Variants in SLIT3 observed in about 807,000 individuals in gnomAD.
SLIT3 encodes slit homolog 3 protein.
In SLIT3, 68 loss-of-function variants were observed where a neutral mutation model predicts 184.0. The observed-to-expected ratio is 0.37, with a 90% CI of 0.30 to 0.45. SLIT3 has a LOEUF of 0.45. Among genes scored for constraint, SLIT3 ranks in the 20% least tolerant of loss-of-function variants. SLIT3 has a pLI of 1.00. For synonymous variants in SLIT3, 831 were observed against 828.6 expected (o/e 1.00, Z -0.05); for missense variants, 1,707 against 2,026.0 (o/e 0.84, Z 3.02).
chr5:168,884,610 TAC>T (rs1462093802), intron 4 of SLIT3, among the ~76,000 whole-genome samples: 4 of 119,994 alleles, frequency 3.3e-5, no homozygotes, highest in Non-Finnish European at 6.7e-5. Flanking sequence ...CCTCACAATA[TAC>T]AGTCTATTAT....
At chr5:168,934,408 G>A (rs547670450) in intron 4 of SLIT3, among the ~76,000 whole-genome samples, 2 of 152,170 alleles carry the variant, frequency 1.3e-5, no homozygotes, top group Non-Finnish European at 2.9e-5. Context: ...GGAACTATGG[G>A]AGAGAAATTG....
intron 4 of SLIT3, among the ~76,000 whole-genome samples, chr5:168,900,677 AC>A (rs1760835044): frequency 6.6e-6 from 1 of 152,192 alleles, no homozygotes; most frequent in African/African-American, 2.4e-5. Flanking sequence ...TTATCTTAGC[AC>A]TATTCACAAT....
intron 8 of SLIT3, among the ~76,000 whole-genome samples, chr5:168,816,039 C>T (rs1757324995): frequency 6.6e-6 from 1 of 152,082 alleles, no homozygotes; most frequent in African/African-American, 2.4e-5. Flanking sequence ...CAACTGAATG[C>T]TTTCTGTTTT....
chr5:169,062,859 G>A (rs940444834), intron 4 of SLIT3, among the ~76,000 whole-genome samples: 7 of 152,132 alleles, frequency 4.6e-5, no homozygotes, highest in African/African-American at 1.7e-4. Context: ...CAAAGTAGCT[G>A]GGGAAGAAAA....
At chr5:168,951,172 A>T (rs1404603791) in intron 4 of SLIT3, among the ~76,000 whole-genome samples, 1 of 152,314 alleles carries the variant, frequency 6.6e-6, no homozygotes, top group African/African-American at 2.4e-5. Context: ...GTGAGCCAAG[A>T]TTGCACCACT....
intron 6 of SLIT3, among the ~76,000 whole-genome samples, chr5:168,831,577 T>C (rs1757884250): frequency 6.6e-6 from 1 of 152,224 alleles, no homozygotes; most frequent in Non-Finnish European, 1.5e-5. Flanking sequence ...GAGCTCTCAT[T>C]TGACACCTCA....
chr5:168,873,313 A>T (rs771104109), intron 5 of SLIT3, among the ~76,000 whole-genome samples: 3 of 152,150 alleles, frequency 2.0e-5, no homozygotes, highest in African/African-American at 4.8e-5. Context: ...GTGGTCCTGC[A>T]AGACTGTTGC....
At chr5:169,067,620 C>T (rs1380974914) in intron 4 of SLIT3, among the ~76,000 whole-genome samples, 3 of 152,176 alleles carry the variant, frequency 2.0e-5, no homozygotes, top group Non-Finnish European at 4.4e-5. Context: ...GCTACTTGGG[C>T]ATCCTGACTT....
At chr5:168,854,422 G>A (rs948196647) in intron 5 of SLIT3, among the ~76,000 whole-genome samples, 2 of 151,708 alleles carry the variant, frequency 1.3e-5, no homozygotes, top group African/African-American at 4.9e-5. Flanking sequence ...GATTCCTTGG[G>A]AGTCCCAGTC....
At chr5:169,194,233 C>CAAA (rs10571842) in intron 3 of SLIT3, among the ~76,000 whole-genome samples, 171 of 61,330 alleles carry the variant, frequency 2.8e-3, no homozygotes, top group Non-Finnish European at 3.5e-3. Flanking sequence ...GACTCTGTCT[C>CAAA]AAAAAAAAAA....
At chr5:169,021,548 A>G (rs563978796) in intron 4 of SLIT3, among the ~76,000 whole-genome samples, 4 of 152,086 alleles carry the variant, frequency 2.6e-5, no homozygotes, top group Non-Finnish European at 5.9e-5. Flanking sequence ...ACGGGGTTTC[A>G]CCATGTTGGC....
In SLIT3 at chr5:168,876,855, TATTATTCTTACACA is replaced by T. The variant is rs553904675; in HGVS notation, c.485+6396_485+6409del. 3.5e-3 allele frequency among the ~76,000 whole-genome samples: 530 copies of T among 152,336 alleles called. 14 individuals carry two copies. The highest frequency in any genetic ancestry group is 7.7e-4 in the East Asian group (4 of 5,190). On this transcript the variant is annotated intron_variant, in intron 5 of 35. Coordinates refer to ENST00000519560, the MANE Select transcript of SLIT3 (RefSeq NM_003062.4). The stretch of plus-strand genomic sequence containing the variant: ...TGGCACCTTATTCTTTCCTATAGTA[TATTATTCTTACACA>T]ATAATAATACAATATGGTATATTAT...
chr5:169,286,489 C>T (rs1359625502), intron 1 of SLIT3, among the ~76,000 whole-genome samples: 4 of 152,138 alleles, frequency 2.6e-5, no homozygotes, highest in Admixed American at 1.3e-4. Flanking sequence ...TCCCAGCCCC[C>T]AGAAGTGAGG....
At chr5:168,849,658 G>C (rs184207017) in intron 5 of SLIT3, among the ~76,000 whole-genome samples, 1 of 152,300 alleles carries the variant, frequency 6.6e-6, no homozygotes, top group East Asian at 1.9e-4. Flanking sequence ...TTGGAAGAAA[G>C]TTGCCACCTC....
Position 168,711,018 on chromosome 5 carries a change from G to A in SLIT3, c.2596C>T (p.Arg866Trp), listed in dbSNP as rs148174013. 1.3e-5 allele frequency: 20 copies of A among 1,586,708 alleles called. No homozygotes were observed. In the African/African-American group the frequency reaches 1.5e-4, roughly 12 times the overall value. Reference protein sequence around the residue: ...TNPLHCDCSLRWLSEWVKAGY... With the variant: ...TNPLHCDCSLWWLSEWVKAGY... ...GCCTTCACCCACTCCGACAGCCACC[G>A]AAGACTGCAGTCACAGTGGAGTGGG... is the stretch of plus-strand genomic sequence containing the variant. Residue 866 changes from arginine to tryptophan, a missense_variant, in exon 25 of 36, where the codon CGG (arginine) becomes TGG (tryptophan). By Grantham distance (101) the Arg-to-Trp change is moderately radical. Around this residue, in one of 3 missense-constraint regions of SLIT3, gnomAD observed 1,307 missense variants for 1,511.6 expected, o/e 0.86. Transcript: ENST00000519560.
chr5:168,996,859 G>C (rs1755526060), intron 4 of SLIT3, among the ~76,000 whole-genome samples: 1 of 152,206 alleles, frequency 6.6e-6, no homozygotes, highest in African/African-American at 2.4e-5. Flanking sequence ...GCCTGTCTCA[G>C]GAGGTGGGTG....
intron 9 of SLIT3, among the ~76,000 whole-genome samples, chr5:168,801,781 G>A (rs985550918): frequency 2.6e-5 from 4 of 152,096 alleles, no homozygotes; most frequent in African/African-American, 9.7e-5. Context: ...GCTCAGCTTC[G>A]AAGAAAATCT....
At chr5:169,121,634 TA>T (rs549248038) in intron 4 of SLIT3, among the ~76,000 whole-genome samples, 2 of 152,194 alleles carry the variant, frequency 1.3e-5, no homozygotes, top group Non-Finnish European at 2.9e-5. Flanking sequence ...CATTAACATT[TA>T]AAAAATGCCA....
In SLIT3 at chr5:168,854,618, G is replaced by A. The variant is rs57474542; in HGVS notation, c.486-9963C>T. 8.1e-3 allele frequency among the ~76,000 whole-genome samples: 1,231 copies of A among 152,304 alleles called. 16 individuals are homozygous for A. Among genetic ancestry groups the A allele is most frequent in the African/African-American group, 0.028 (1,163 of 41,548 alleles). ...TCTTGGGCAGAGGCATGGCCTCTCC[G>A]GAGAAATGGTTCTCTTTGCTCCAGG... On this transcript the variant is annotated intron_variant, in intron 5 of 35. Coordinates refer to ENST00000519560, the MANE Select transcript of SLIT3 (RefSeq NM_003062.4).
Sources: allele counts gnomAD v4.1 joint callset (sites outside exome capture counted in the v4.1 genomes callset), GRCh38; gene constraint gnomAD v4.1.1; regional missense constraint gnomAD v4.1.1; transcripts MANE v1.5; gene names NCBI Gene and HGNC (gene_info 2026-07-23, HGNC 2026-07-21).